MYO7B: variants seen among roughly 807,000 people sequenced by gnomAD.
MYO7B encodes myosin VIIB, also known as unconventional myosin-VIIb.
Under a neutral mutation model 259.7 loss-of-function variants are expected in MYO7B, and 212 were observed. The observed-to-expected ratio is 0.82, with a 90% CI of 0.73 to 0.91. MYO7B has a LOEUF of 0.91. Among genes scored for constraint, MYO7B ranks in the 40% least tolerant of loss-of-function variants. MYO7B has a pLI of 0.00. For missense variants in MYO7B, 2,732 were observed against 2,813.5 expected (o/e 0.97, Z 0.66); for synonymous variants, 1,197 against 1,166.4 (o/e 1.03, Z -0.54).
chr2:127,569,924 T>C lies in MYO7B; in HGVS notation c.592+14T>C, dbSNP rs1553448187. 12 of 1,605,602 alleles carry C rather than the reference T, an allele frequency of 7.5e-6. No homozygotes were observed. In the Middle Eastern group the frequency reaches 5.1e-4, roughly 68 times the overall value. ...CCATCCTGGAGGGTAAGCATCACTC[T>C]GGGACCCGCCCTTCTCCCCCAGCCC... On this transcript the variant is annotated intron_variant, in intron 6 of 47. Transcript: ENST00000409816.
Sources: allele counts gnomAD v4.1 joint callset, GRCh38; gene constraint gnomAD v4.1.1; transcripts MANE v1.5; gene names NCBI Gene and HGNC (gene_info 2026-07-23, HGNC 2026-07-21).